ATG7: variants seen among roughly 807,000 people sequenced by gnomAD.
ATG7 encodes the protein ubiquitin-like modifier-activating enzyme ATG7.
Under a neutral mutation model 82.4 loss-of-function variants are expected in ATG7, and 70 were observed. That is an observed-to-expected ratio of 0.85 (90% CI 0.70 to 1.04). ATG7 has a LOEUF of 1.04. ATG7 is among the 50% of genes least tolerant of loss of function. The probability of loss-of-function intolerance (pLI) is 0.00; values close to 1 mark genes in which losing one functional copy is unlikely to be tolerated. For synonymous variants in ATG7, 287 were observed against 313.0 expected (o/e 0.92, Z 0.88); for missense variants, 792 against 864.3 (o/e 0.92, Z 1.05).
chr3:11,572,579 T>C, the ATG7 span, among the ~76,000 whole-genome samples: 2 of 152,200 alleles, frequency 1.3e-5, no homozygotes, highest in South Asian at 4.1e-4. Context: ...GTTTTGTATT[T>C]GGTGCCTCCT....
chr3:11,544,798 TG>T (rs2071132517), intron 20 of ATG7, among the ~76,000 whole-genome samples: 1 of 152,262 alleles, frequency 6.6e-6, no homozygotes, highest in African/African-American at 2.4e-5. Flanking sequence ...CAGATGGTTC[TG>T]AATCATTGTT....
At chr3:11,488,580 G>C (rs577120716) in intron 20 of ATG7, 27 of 708,328 alleles carry the variant, frequency 3.8e-5, no homozygotes, top group Middle Eastern at 5.4e-4. Context: ...CACCATGGCC[G>C]GACGGGCTCC....
intron 20 of ATG7, among the ~76,000 whole-genome samples, chr3:11,546,162 ATTTTTTTTTTT>A (rs36042370): frequency 1.3e-4 from 9 of 68,858 alleles, no homozygotes; most frequent in African/African-American, 2.3e-4. Context: ...CCAAAACTGG[ATTTTTTTTTTT>A]TTTTTTTTTT....
intron 19 of ATG7, among the ~76,000 whole-genome samples, chr3:11,400,308 T>G (rs1216973435): frequency 6.6e-6 from 1 of 152,176 alleles, no homozygotes; most frequent in African/African-American, 2.4e-5. Flanking sequence ...GTATATGAAC[T>G]TCCTGAAACT....
intron 20 of ATG7, among the ~76,000 whole-genome samples, chr3:11,546,632 T>C (rs939148684): frequency 1.8e-4 from 28 of 152,326 alleles, no homozygotes; most frequent in Middle Eastern, 3.4e-3. Flanking sequence ...AAGTTTGAAA[T>C]TGGATGATGA....
intron 19 of ATG7, among the ~76,000 whole-genome samples, chr3:11,380,537 C>T (rs1283953211): frequency 6.6e-6 from 1 of 152,176 alleles, no homozygotes; most frequent in Non-Finnish European, 1.5e-5. Flanking sequence ...TTTCCAGAAG[C>T]TCTAAAAATA....
intron 18 of ATG7, among the ~76,000 whole-genome samples, chr3:11,367,921 T>C (rs1000293781): frequency 6.6e-6 from 1 of 152,012 alleles, no homozygotes; most frequent in African/African-American, 2.4e-5. Flanking sequence ...CATTAAGTGG[T>C]AATGTGATGA....
intron 1 of ATG7, among the ~76,000 whole-genome samples, chr3:11,273,220 G>A (rs1940907816): frequency 6.6e-6 from 1 of 152,218 alleles, no homozygotes; most frequent in South Asian, 2.1e-4. Context: ...AGTCATATCT[G>A]TGGCTGTCAG....
chr3:11,282,401 TGAA>T lies in ATG7; in HGVS notation c.-41_-39del, dbSNP rs1353604913. The T allele has an allele frequency of 3.3e-5, 5 of 152,224 alleles. No individual in the cohort carries two copies. Among genetic ancestry groups the T allele is most frequent in the African/African-American group, 1.2e-4 (5 of 41,448 alleles). The allele number at this position is 152,224 out of a possible 1,614,324, so 9.4% of individuals were successfully genotyped here. Reference sequence around the variant, plus strand: ...ACTGCTTGTTCCCTGGTTGACACACTGAAGAAGAAATCATGTTGATTCAGAGTT... The same window carrying T: ...ACTGCTTGTTCCCTGGTTGACACACTGAAGAAATCATGTTGATTCAGAGTT... On this transcript the variant is annotated 5_prime_UTR_variant, in exon 3 of 21. Transcript: ENST00000693202.
At chr3:11,452,384 CAAAAAA>C (rs34530409) in intron 20 of ATG7, among the ~76,000 whole-genome samples, 7 of 58,420 alleles carry the variant, frequency 1.2e-4, no homozygotes, top group East Asian at 6.1e-4. Context: ...GAACCTGTCT[CAAAAAA>C]AAAAAAAAAA....
the ATG7 span, among the ~76,000 whole-genome samples, chr3:11,575,769 G>A: frequency 1.3e-5 from 2 of 152,232 alleles, no homozygotes; most frequent in African/African-American, 4.8e-5. Context: ...AGAATGAGGC[G>A]TAAAGTCAGA....
intron 19 of ATG7, among the ~76,000 whole-genome samples, chr3:11,392,471 C>CAAAA (rs386395940): frequency 0.038 from 5,675 of 149,204 alleles, 186 homozygotes; most frequent in Non-Finnish European, 0.058. Context: ...AAAAAACAAA[C>CAAAA]AAAAAAAACA....
intron 20 of ATG7, among the ~76,000 whole-genome samples, chr3:11,492,715 C>G (rs1389788878): frequency 6.6e-6 from 1 of 152,196 alleles, no homozygotes; most frequent in Non-Finnish European, 1.5e-5. Flanking sequence ...CAGGAACTAG[C>G]CGGTCACTTT....
downstream of ATG7, among the ~76,000 whole-genome samples, chr3:11,561,543 C>T (rs568362579): frequency 6.6e-6 from 1 of 152,352 alleles, no homozygotes; most frequent in Admixed American, 6.5e-5. Flanking sequence ...ACCACCCCTC[C>T]TCCCCAGCTG....
At chr3:11,387,311 A>C (rs2078394366) in intron 19 of ATG7, among the ~76,000 whole-genome samples, 1 of 152,226 alleles carries the variant, frequency 6.6e-6, no homozygotes, top group Admixed American at 6.5e-5. Flanking sequence ...TCCAGAGAAC[A>C]CGGCCTTGCT....
intron 13 of ATG7, chr3:11,346,701 C>G (rs1954603663): frequency 6.6e-6 from 1 of 152,176 alleles, no homozygotes; most frequent in South Asian, 2.1e-4. Flanking sequence ...TTAAGGAATG[C>G]AAAAATACTT....
rs569126390 is a variant in ATG7 at position 11,342,147 on chromosome 3, A to T, written c.993A>T (p.Ser331=). The T allele has an allele frequency of 7.4e-5, 119 of 1,612,676 alleles. 3 individuals carry two copies. The South Asian group carries it at 1.3e-3, about 17-fold the overall frequency. ...ECMDPKRLAE[S]SVDLNLKLMC... is the part of the protein sequence containing the mutation. ...TCTCCTTTTCTAGGTTAGCTGAGTC[A>T]TCAGTGGATCTAAATCTCAAACTGA... The change falls in exon 13 of 21, where the codon TCA becomes TCT. Residue 331 remains serine, a synonymous_variant. Coordinates refer to ENST00000693202, the MANE Select transcript of ATG7 (RefSeq NM_001349232.2).
In ATG7 at chr3:11,496,191, T is replaced by C. The variant is rs552741661; in HGVS notation, c.2080-58620T>C. 1.1e-4 allele frequency among the ~76,000 whole-genome samples: 16 copies of C among 152,290 alleles called. No homozygotes were observed. The South Asian group carries it at 3.3e-3, about 32-fold the overall frequency. On this transcript the variant is annotated intron_variant, in intron 20 of 20. Coordinates refer to ENST00000693202, the MANE Select transcript of ATG7 (RefSeq NM_001349232.2). The stretch of plus-strand genomic sequence containing the variant: ...AAAAAACATCCACAGAGAAAGGGTT[T>C]GGCATTGGCAAGGCCAAGTTAAACA...
At chr3:11,316,705 G>A (rs1434903096) in intron 9 of ATG7, among the ~76,000 whole-genome samples, 1 of 152,142 alleles carries the variant, frequency 6.6e-6, no homozygotes, top group African/African-American at 2.4e-5. Context: ...AAATTCTTTT[G>A]AGTGAATGAA....
Sources: allele counts gnomAD v4.1 joint callset (sites outside exome capture counted in the v4.1 genomes callset), GRCh38; gene constraint gnomAD v4.1.1; transcripts MANE v1.5; gene names NCBI Gene and HGNC (gene_info 2026-07-23, HGNC 2026-07-21).